STXBP4: variants seen among roughly 807,000 people sequenced by gnomAD.
The protein encoded by STXBP4 is syntaxin-binding protein 4.
Under a neutral mutation model 76.1 loss-of-function variants are expected in STXBP4, and 55 were observed. That is an observed-to-expected ratio of 0.72 (90% CI 0.58 to 0.91). The LOEUF is 0.91. Among genes scored for constraint, STXBP4 ranks in the 40% least tolerant of loss-of-function variants. STXBP4 has a pLI of 0.00. For missense variants in STXBP4, 618 were observed against 636.9 expected (o/e 0.97, Z 0.32); for synonymous variants, 201 against 220.2 (o/e 0.91, Z 0.77).
At chr17:55,083,674 T>C (rs2079287023) in intron 16 of STXBP4, among the ~76,000 whole-genome samples, 1 of 152,146 alleles carries the variant, frequency 6.6e-6, no homozygotes. Flanking sequence ...ACATCTAAGA[T>C]GGGAGCTCAT....
At chr17:55,178,321 A>T, downstream of STXBP4, among the ~76,000 whole-genome samples, 1 of 152,216 alleles carries the variant, frequency 6.6e-6, no homozygotes, top group East Asian at 1.9e-4. Context: ...TTTAACACAT[A>T]AATTCAGATA....
intron 16 of STXBP4, among the ~76,000 whole-genome samples, chr17:55,104,618 G>A (rs7208017): frequency 0.064 from 9,777 of 152,126 alleles, 1,073 homozygotes; most frequent in African/African-American, 0.22. Context: ...CCAGGTTTTG[G>A]TATCAGGATG....
intron 12 of STXBP4, among the ~76,000 whole-genome samples, chr17:55,056,182 C>T (rs1014991499): frequency 6.6e-6 from 1 of 151,906 alleles, no homozygotes; most frequent in Non-Finnish European, 1.5e-5. Context: ...AAACAGGTAA[C>T]GTTAATTTTA....
At chr17:55,012,367 T>G (rs1176088296) in intron 8 of STXBP4, among the ~76,000 whole-genome samples, 1 of 152,206 alleles carries the variant, frequency 6.6e-6, no homozygotes, top group Non-Finnish European at 1.5e-5. Flanking sequence ...GTTCCTTCTA[T>G]AAGCATTTCT....
At chr17:55,025,065 C>T (rs1438173598) in intron 8 of STXBP4, among the ~76,000 whole-genome samples, 2 of 151,356 alleles carry the variant, frequency 1.3e-5, no homozygotes, top group Admixed American at 6.6e-5. Flanking sequence ...GGCATGAACC[C>T]AGGAGGCGGA....
At chr17:55,118,577 A>T (rs1293671078) in intron 16 of STXBP4, among the ~76,000 whole-genome samples, 1 of 22,636 alleles carries the variant, frequency 4.4e-5, no homozygotes, top group Non-Finnish European at 9.1e-5. Flanking sequence ...ATGGAGAAAT[A>T]AATGTAAGAA....
intron 16 of STXBP4, among the ~76,000 whole-genome samples, chr17:55,093,056 G>T (rs548174278): frequency 1.3e-5 from 2 of 151,952 alleles, no homozygotes; most frequent in African/African-American, 4.8e-5. Flanking sequence ...GTGCAGTGGC[G>T]CAATCTCGGC....
At chr17:54,992,583 A>C (rs1240671276) in intron 4 of STXBP4, among the ~76,000 whole-genome samples, 1 of 151,844 alleles carries the variant, frequency 6.6e-6, no homozygotes, top group East Asian at 1.9e-4. Context: ...GTTAAAGCTG[A>C]GAGGTGTGTG....
In STXBP4 at chr17:55,143,886, T is replaced by C. The variant is rs371375720; in HGVS notation, c.1547+2519T>C. Among the ~76,000 whole-genome samples the C allele has an allele frequency of 2.5e-4, 38 of 152,244 alleles. No homozygotes were observed. The East Asian group carries it at 6.0e-3, about 24-fold the overall frequency. ...CCCCAAAGGGCCATAGTAGATCTTA[T>C]TGTCTTACCATTTCATTAGGAGAAA... is the stretch of plus-strand genomic sequence containing the variant. On this transcript the variant is annotated intron_variant, in intron 17 of 17. Transcript: ENST00000376352.
At chr17:55,012,916 G>C (rs1321873500) in intron 8 of STXBP4, among the ~76,000 whole-genome samples, 1 of 152,174 alleles carries the variant, frequency 6.6e-6, no homozygotes, top group Non-Finnish European at 1.5e-5. Context: ...TCATTGTCTG[G>C]AAGAAATGTG....
chr17:55,179,227 G>C, the STXBP4 span, among the ~76,000 whole-genome samples: 75 of 151,956 alleles, frequency 4.9e-4, no homozygotes, highest in Admixed American at 7.9e-4. Flanking sequence ...ACTACCACTG[G>C]GACTATTTAA....
chr17:55,141,047 A>G (rs1598345838), intron 16 of STXBP4, among the ~76,000 whole-genome samples: 1 of 152,316 alleles, frequency 6.6e-6, no homozygotes, highest in South Asian at 2.1e-4. Context: ...GCTGACAAAA[A>G]TGCTCACCAC....
At chr17:55,035,178 C>T (rs1462354038) in intron 10 of STXBP4, among the ~76,000 whole-genome samples, 1 of 151,644 alleles carries the variant, frequency 6.6e-6, no homozygotes, top group Non-Finnish European at 1.5e-5. Flanking sequence ...TGTTTCTTAC[C>T]TTAAAATCGA....
rs1028577970 is a variant in STXBP4 at position 55,163,137 on chromosome 17, T to C, written c.*3226T>C. ...CCATAAAAGTAGGACCAACTTACATTACCACCAATAGTGTATGTGAGCCTT... is the reference window on the plus strand; with the variant it reads ...CCATAAAAGTAGGACCAACTTACATCACCACCAATAGTGTATGTGAGCCTT... On this transcript the variant is annotated 3_prime_UTR_variant, in exon 18 of 18. Coordinates refer to ENST00000376352, the MANE Select transcript of STXBP4 (RefSeq NM_178509.6). 6.6e-5 allele frequency: 10 copies of C among 152,048 alleles called. No individual in the cohort carries two copies. The highest frequency in any genetic ancestry group is 4.4e-5 in the Non-Finnish European group (3 of 67,994). 9.4% of individuals were successfully genotyped at this position (152,048 alleles called of 1,614,324 possible).
intron 1 of STXBP4, among the ~76,000 whole-genome samples, chr17:54,981,846 C>T (rs554633500): frequency 1.1e-4 from 16 of 152,068 alleles, no homozygotes; most frequent in African/African-American, 3.4e-4. Context: ...AAAGACCTAA[C>T]GATAAATAGA....
chr17:55,110,612 C>T (rs1334978422), intron 16 of STXBP4, among the ~76,000 whole-genome samples: 2 of 152,170 alleles, frequency 1.3e-5, no homozygotes, highest in Non-Finnish European at 2.9e-5. Flanking sequence ...CTGTAAAGAA[C>T]CAAGTAGTAA....
chr17:54,997,524 T>TTA (rs35813449), intron 4 of STXBP4, among the ~76,000 whole-genome samples: 1 of 146,148 alleles, frequency 6.8e-6, no homozygotes. Context: ...TTTTTTTAAA[T>TTA]TATATATATA....
intron 16 of STXBP4, among the ~76,000 whole-genome samples, chr17:55,136,050 C>T (rs1567777762): frequency 6.6e-6 from 1 of 152,112 alleles, no homozygotes; most frequent in Admixed American, 6.6e-5. Flanking sequence ...CCCTCAGTTT[C>T]GTCTCTGCAA....
intron 12 of STXBP4, among the ~76,000 whole-genome samples, chr17:55,065,172 A>G (rs1024524078): frequency 6.6e-6 from 1 of 152,122 alleles, no homozygotes; most frequent in Non-Finnish European, 1.5e-5. Context: ...GCCAGTACCA[A>G]CTATTGCTGC....
Sources: allele counts gnomAD v4.1 joint callset (sites outside exome capture counted in the v4.1 genomes callset), GRCh38; gene constraint gnomAD v4.1.1; transcripts MANE v1.5; gene names NCBI Gene and HGNC (gene_info 2026-07-23, HGNC 2026-07-21).